The following MPP7 variants were observed in gnomAD, a reference collection of about 807,000 sequenced individuals.
The protein encoded by MPP7 is MAGUK p55 scaffold protein 7, also known as MAGUK p55 subfamily member 7.
A neutral mutation model predicts 76.5 loss-of-function variants in MPP7; 60 were observed. The observed-to-expected ratio is 0.78, with a 90% confidence interval of 0.64 to 0.97. MPP7 has a LOEUF of 0.97. Among genes scored for constraint, MPP7 ranks in the 50% least tolerant of loss-of-function variants. The pLI is 0.00. For missense variants in MPP7, 641 were observed against 694.0 expected (o/e 0.92, Z 0.86); for synonymous variants, 237 against 244.5 (o/e 0.97, Z 0.29).
At position 28,071,393 on chromosome 10, in the gene MPP7, T is replaced by C. The variant is rs115809441; in HGVS notation, c.1124-1541A>G. Among the ~76,000 whole-genome samples, 774 of 152,280 alleles carry C rather than the reference T, an allele frequency of 5.1e-3. 3 individuals are homozygous for C. Among genetic ancestry groups the C allele is most frequent in the African/African-American group, 0.017 (715 of 41,576 alleles). On this transcript the variant is annotated intron_variant, in intron 12 of 16. Coordinates refer to ENST00000683449, the MANE Select transcript of MPP7 (RefSeq NM_001318170.2). Reference sequence around the variant, plus strand: ...AATGCCATTTCTAGGTCCCTGACCCTTGTATAAAAACACCTGTCCCGAGGT... The same window carrying C: ...AATGCCATTTCTAGGTCCCTGACCCCTGTATAAAAACACCTGTCCCGAGGT...
intron 5 of MPP7, among the ~76,000 whole-genome samples, chr10:28,140,148 T>C (rs1331705909): frequency 2.0e-5 from 3 of 152,226 alleles, no homozygotes; most frequent in African/African-American, 7.2e-5. Context: ...CCGCATACTC[T>C]TAAATGTGTT....
At chr10:28,313,571 G>A (rs899908114) in intron 2 of MPP7, among the ~76,000 whole-genome samples, 4 of 152,082 alleles carry the variant, frequency 2.6e-5, no homozygotes, top group African/African-American at 9.7e-5. Context: ...ACAAATTTAA[G>A]AATGTAAGAT....
chr10:28,088,027 G>A (rs72801892), intron 12 of MPP7, among the ~76,000 whole-genome samples: 3,756 of 152,250 alleles, frequency 0.025, 79 homozygotes, highest in Middle Eastern at 0.054. Flanking sequence ...GTGAATATGT[G>A]TTTCAAAATA....
chr10:28,176,115 G>T (rs7068687), intron 3 of MPP7, among the ~76,000 whole-genome samples: 1 of 151,894 alleles, frequency 6.6e-6, no homozygotes, highest in African/African-American at 2.4e-5. Flanking sequence ...ATTCCTATTG[G>T]TCACTGTTAG....
In MPP7 at chr10:28,244,720, G is replaced by A. The variant is rs530172998; in HGVS notation, c.-131-5985C>T. ...ACATGCTGCTTTATAATCCCCAGGC[G>A]AAGAGACCCAGGCTTCAAGGCTGCT... is the stretch of plus-strand genomic sequence containing the variant. On this transcript the variant is annotated intron_variant, in intron 1 of 16. Coordinates refer to ENST00000683449, the MANE Select transcript of MPP7 (RefSeq NM_001318170.2). 3.9e-5 allele frequency among the ~76,000 whole-genome samples: 6 copies of A among 152,110 alleles called. No individual in the cohort carries two copies. In the East Asian group the frequency reaches 5.8e-4, roughly 15 times the overall value.
chr10:28,100,311 T>A (rs1853766666), intron 11 of MPP7, among the ~76,000 whole-genome samples: 1 of 152,148 alleles, frequency 6.6e-6, no homozygotes. Flanking sequence ...AAAATTATTA[T>A]CTAAATGATG....
At chr10:28,286,153 C>G (rs7089787) in intron 1 of MPP7, among the ~76,000 whole-genome samples, 24,096 of 151,708 alleles carry the variant, frequency 0.16, 2,646 homozygotes, top group East Asian at 0.53. Context: ...GACCATTTTG[C>G]CTAACACAGT....
intron 3 of MPP7, among the ~76,000 whole-genome samples, chr10:28,187,889 T>C (rs2133934412): frequency 6.6e-6 from 1 of 152,334 alleles, no homozygotes. Flanking sequence ...ATAACTACTT[T>C]CTATGCAAAT....
intron 12 of MPP7, among the ~76,000 whole-genome samples, chr10:28,073,216 G>A (rs1246243375): frequency 6.6e-6 from 1 of 152,094 alleles, no homozygotes; most frequent in Non-Finnish European, 1.5e-5. Flanking sequence ...AACCACCAAA[G>A]GCTGCCAATT....
At chr10:28,072,870 T>C (rs1310491423) in intron 12 of MPP7, among the ~76,000 whole-genome samples, 1 of 152,222 alleles carries the variant, frequency 6.6e-6, no homozygotes, top group Admixed American at 6.5e-5. Context: ...TTCACTTCTA[T>C]GATTTTGTTA....
chr10:28,183,106 TGAGGAAA>T (rs1336660474), intron 3 of MPP7, among the ~76,000 whole-genome samples: 5 of 151,908 alleles, frequency 3.3e-5, no homozygotes, highest in Non-Finnish European at 4.4e-5. Flanking sequence ...AAGAGCAAGT[TGAGGAAA>T]GAGGAATGTG....
chr10:28,274,185 CTCTGCCTCCCAGGT>C (rs1840418978), intron 1 of MPP7, among the ~76,000 whole-genome samples: 1 of 148,384 alleles, frequency 6.7e-6, no homozygotes, highest in East Asian at 2.0e-4. Flanking sequence ...TCACTGCAAG[CTCTGCCTCCCAGGT>C]TCATGCCATT....
At chr10:28,333,355 G>C (rs144936412) in intron 1 of MPP7, among the ~76,000 whole-genome samples, 1,587 of 152,140 alleles carry the variant, frequency 0.01, 32 homozygotes, top group African/African-American at 0.036. Context: ...CATTTGGCCA[G>C]GCTGGTCTCG....
intron 3 of MPP7, among the ~76,000 whole-genome samples, chr10:28,156,927 C>T (rs1052595812): frequency 1.3e-5 from 2 of 151,996 alleles, no homozygotes; most frequent in Non-Finnish European, 2.9e-5. Flanking sequence ...AAAGAGTAAT[C>T]GGCCAGGTGT....
intron 1 of MPP7, among the ~76,000 whole-genome samples, chr10:28,294,004 A>T (rs773132353): frequency 2.6e-5 from 4 of 152,164 alleles, no homozygotes; most frequent in Non-Finnish European, 4.4e-5. Context: ...GAGAGATGAG[A>T]TCCCAAAGAA....
At chr10:28,111,261 G>GA (rs1296979460) in intron 11 of MPP7, among the ~76,000 whole-genome samples, 2 of 151,638 alleles carry the variant, frequency 1.3e-5, no homozygotes, top group Non-Finnish European at 2.9e-5. Flanking sequence ...AAAGCCAAAG[G>GA]AAAAAACAAA....
At chr10:28,092,413 C>G (rs887737293) in intron 11 of MPP7, among the ~76,000 whole-genome samples, 1 of 152,130 alleles carries the variant, frequency 6.6e-6, no homozygotes, top group African/African-American at 2.4e-5. Context: ...GTAAATACAT[C>G]CCTCTGGCCC....
At chr10:28,159,577 C>T (rs189326226) in intron 3 of MPP7, among the ~76,000 whole-genome samples, 70 of 152,306 alleles carry the variant, frequency 4.6e-4, no homozygotes, top group African/African-American at 1.6e-3. Flanking sequence ...GGACACGCTG[C>T]TTTGGTTGAA....
At chr10:28,286,805 T>TG (rs1356864738) in intron 1 of MPP7, among the ~76,000 whole-genome samples, 2 of 151,246 alleles carry the variant, frequency 1.3e-5, no homozygotes, top group Non-Finnish European at 3.0e-5. Context: ...GAACTCACAG[T>TG]GGGAAAAAAA....
Sources: allele counts gnomAD v4.1 joint callset (sites outside exome capture counted in the v4.1 genomes callset), GRCh38; gene constraint gnomAD v4.1.1; transcripts MANE v1.5; gene names NCBI Gene and HGNC (gene_info 2026-07-23, HGNC 2026-07-21).